Variants in STXBP4 observed in about 807,000 individuals in gnomAD.
STXBP4 encodes the protein syntaxin binding protein 4, also known as syntaxin-binding protein 4.
In STXBP4, 55 loss-of-function variants were observed where a neutral mutation model predicts 76.1. The observed-to-expected ratio is 0.72, with a 90% confidence interval of 0.58 to 0.91. The LOEUF is 0.91. Ranked by LOEUF, STXBP4 falls within the 40% of genes least tolerant of loss-of-function variation. The pLI is 0.00. For synonymous variants in STXBP4, 201 were observed against 220.2 expected, an observed-to-expected ratio of 0.91 and a Z score of 0.77; for missense variants, 618 against 636.9, an observed-to-expected ratio of 0.97 and a Z score of 0.32.
At chr17:55,044,369 G>A (rs1202610403) in intron 11 of STXBP4, 1 of 151,512 alleles carries the variant, frequency 6.6e-6, no homozygotes, top group Non-Finnish European at 1.5e-5. Flanking sequence ...TTATTAAATA[G>A]AAAATATTTA....
chr17:55,130,202 T>A (rs916392513), intron 16 of STXBP4, among the ~76,000 whole-genome samples: 8 of 152,168 alleles, frequency 5.3e-5, no homozygotes, highest in African/African-American at 1.9e-4. Context: ...GATAAAAACT[T>A]ACCCCAGCTG....
chr17:55,034,829 T>A (rs2078570537), intron 10 of STXBP4, among the ~76,000 whole-genome samples: 1 of 152,084 alleles, frequency 6.6e-6, no homozygotes, highest in Non-Finnish European at 1.5e-5. Context: ...TTGCCTCTTT[T>A]TGTGCTTTAT....
intron 11 of STXBP4, among the ~76,000 whole-genome samples, chr17:55,046,750 A>G (rs1007336901): frequency 1.3e-5 from 2 of 151,962 alleles, no homozygotes; most frequent in African/African-American, 4.8e-5. Flanking sequence ...AATTTGTAAT[A>G]ATAATGCTCT....
At chr17:55,104,699 A>G (rs1209529261) in intron 16 of STXBP4, among the ~76,000 whole-genome samples, 1 of 152,142 alleles carries the variant, frequency 6.6e-6, no homozygotes, top group Non-Finnish European at 1.5e-5. Flanking sequence ...TTCAGAAGGA[A>G]TGGTACCAGC....
At chr17:55,092,365 A>T (rs2079426005) in intron 16 of STXBP4, among the ~76,000 whole-genome samples, 2 of 128,530 alleles carry the variant, frequency 1.6e-5, no homozygotes, top group Admixed American at 8.6e-5. Flanking sequence ...TATTTCTATT[A>T]ACAGTAAAAA....
intron 16 of STXBP4, among the ~76,000 whole-genome samples, chr17:55,106,492 A>T (rs1408783039): frequency 1.3e-5 from 2 of 152,022 alleles, no homozygotes; most frequent in Non-Finnish European, 2.9e-5. Flanking sequence ...TTTGAATTTG[A>T]TCTTGTCATT....
chr17:55,162,281 A>G lies in STXBP4; in HGVS notation c.*2370A>G, dbSNP rs1450371635. On this transcript the variant is annotated 3_prime_UTR_variant, in exon 18 of 18. Transcript: ENST00000376352. ...TTTCCAGTGCAAATACGACCCTCAT[A>G]TTATGTTTTGGCGAGTAGCCAGTCT... 3.3e-5 allele frequency: 5 copies of G among 152,230 alleles called. No homozygotes were observed. Among genetic ancestry groups the G allele is most frequent in the Non-Finnish European group, 7.3e-5 (5 of 68,050 alleles). 9.4% of individuals were successfully genotyped at this position (152,230 alleles called of 1,614,324 possible).
intron 12 of STXBP4, among the ~76,000 whole-genome samples, chr17:55,049,252 G>A (rs1053415118): frequency 1.3e-5 from 2 of 151,954 alleles, no homozygotes; most frequent in Non-Finnish European, 2.9e-5. Context: ...CCTTCAGATA[G>A]GATGAGTTTT....
intron 12 of STXBP4, among the ~76,000 whole-genome samples, chr17:55,054,718 A>T (rs1026235950): frequency 1.3e-5 from 2 of 152,224 alleles, no homozygotes; most frequent in Admixed American, 1.3e-4. Context: ...CACATAGATG[A>T]TAATGTGTAT....
At chr17:55,106,585 G>A (rs947467842) in intron 16 of STXBP4, among the ~76,000 whole-genome samples, 1 of 152,106 alleles carries the variant, frequency 6.6e-6, no homozygotes, top group African/African-American at 2.4e-5. Context: ...GTATGTTTTT[G>A]CAGTGGCTGG....
intron 14 of STXBP4, 59 bp from the exon 15 acceptor site, chr17:55,078,627 G>T (rs1323624169): frequency 6.6e-6 from 7 of 1,064,316 alleles, no homozygotes; most frequent in Admixed American, 2.0e-5. Flanking sequence ...ATGAAGAAAA[G>T]ATATTTTTTA....
chr17:55,083,020 G>A (rs530907022), intron 16 of STXBP4, among the ~76,000 whole-genome samples: 104 of 151,786 alleles, frequency 6.9e-4, no homozygotes, highest in Non-Finnish European at 1.3e-3. Context: ...GGAGTGCAGT[G>A]GCTCGATCTC....
chr17:55,018,097 A>T (rs974159963), intron 8 of STXBP4, among the ~76,000 whole-genome samples: 2 of 152,076 alleles, frequency 1.3e-5, no homozygotes, highest in African/African-American at 4.8e-5. Flanking sequence ...TCTTGGCCTC[A>T]TGGATTCCAA....
intron 8 of STXBP4, among the ~76,000 whole-genome samples, chr17:55,013,672 G>T (rs964825990): frequency 1.8e-4 from 28 of 152,350 alleles, no homozygotes; most frequent in Non-Finnish European, 7.4e-5. Flanking sequence ...GTGGCTTGAT[G>T]GCACAAGGTT....
the STXBP4 span, among the ~76,000 whole-genome samples, chr17:55,188,602 G>A: frequency 2.0e-5 from 3 of 152,284 alleles, no homozygotes; most frequent in African/African-American, 7.2e-5. Flanking sequence ...TCCATTCTCA[G>A]TGACTGCATT....
In STXBP4 at chr17:55,062,046, G is replaced by A. The variant is rs117703724; in HGVS notation, c.1012-10854G>A. 3.2e-3 allele frequency among the ~76,000 whole-genome samples: 479 copies of A among 152,000 alleles called. 12 individuals are homozygous for A. The highest frequency in any genetic ancestry group is 0.025 in the East Asian group (130 of 5,176). On this transcript the variant is annotated intron_variant, in intron 12 of 17. Coordinates refer to ENST00000376352, the MANE Select transcript of STXBP4 (RefSeq NM_178509.6). Reference sequence around the variant, plus strand: ...GACCAAGAGGTCAAAATCAGCCTGGGCAACCAATCATGACTCCATCTCTAC... The same window carrying A: ...GACCAAGAGGTCAAAATCAGCCTGGACAACCAATCATGACTCCATCTCTAC...
At chr17:55,181,140 C>T in the STXBP4 span, among the ~76,000 whole-genome samples, 1 of 152,200 alleles carries the variant, frequency 6.6e-6, no homozygotes. Context: ...GCTCCTTCAT[C>T]TGATTGTCAC....
At chr17:55,116,604 A>G (rs8064937) in intron 16 of STXBP4, among the ~76,000 whole-genome samples, 284 of 151,924 alleles carry the variant, frequency 1.9e-3, no homozygotes, top group African/African-American at 6.3e-3. Context: ...AAACTTCCTT[A>G]TATATAACTG....
chr17:54,999,925 A>T, intron 6 of STXBP4, 83 bp downstream of exon 6: 1 of 918,170 alleles, frequency 1.1e-6, no homozygotes, highest in South Asian at 2.0e-5. Context: ...GTACATATAG[A>T]ATTATTTCAG....
Sources: gnomAD v4.1 joint callset for allele counts (sites outside exome capture counted in the v4.1 genomes callset) on GRCh38, gnomAD v4.1.1 for gene constraint, MANE v1.5 for transcripts, NCBI Gene and HGNC (gene_info 2026-07-23, HGNC 2026-07-21) for gene names.